Variants in MAN1A1 observed in about 807,000 individuals in gnomAD.
MAN1A1 encodes mannosidase alpha class 1A member 1.
MAN1A1 carries 29 observed loss-of-function variants against 70.8 expected under a neutral mutation model. The observed-to-expected ratio is 0.41, with a 90% CI of 0.31 to 0.56. The LOEUF (loss-of-function observed/expected upper bound fraction) is 0.56, where lower values mean the gene tolerates loss of function less well. Ranked by LOEUF, MAN1A1 falls within the 20% of genes least tolerant of loss-of-function variation. MAN1A1 has a pLI of 0.29. For synonymous variants in MAN1A1, 349 were observed against 330.1 expected (o/e 1.06, Z -0.62); for missense variants, 747 against 841.3 (o/e 0.89, Z 1.39).
chr6:119,247,350 G>A (rs1775193943), intron 6 of MAN1A1, among the ~76,000 whole-genome samples: 1 of 152,116 alleles, frequency 6.6e-6, no homozygotes, highest in Non-Finnish European at 1.5e-5. Context: ...TGTGACTAGA[G>A]CTTCCTATTG....
intron 11 of MAN1A1, among the ~76,000 whole-genome samples, chr6:119,182,472 G>C (rs1773178197): frequency 6.6e-6 from 1 of 150,930 alleles, no homozygotes; most frequent in African/African-American, 2.4e-5. Flanking sequence ...TCTCCTAGGA[G>C]TTTTATGGTT....
At chr6:119,256,014 CA>C (rs1424151879) in intron 5 of MAN1A1, among the ~76,000 whole-genome samples, 2 of 152,012 alleles carry the variant, frequency 1.3e-5, no homozygotes, top group East Asian at 3.9e-4. Context: ...AGCCTTCAGG[CA>C]ATTAGATGAG....
At chr6:119,212,102 A>C (rs1032243481) in intron 6 of MAN1A1, among the ~76,000 whole-genome samples, 25 of 150,840 alleles carry the variant, frequency 1.7e-4, no homozygotes, top group African/African-American at 5.4e-4. Flanking sequence ...AGCCTCCCAA[A>C]GTGCTGGGAT....
rs3798628 is a variant in MAN1A1, at chr6:119,309,909, A to G, written c.604-2917T>C. ...TTCTTCTTAATTGGCATCAGGGCTCATTAATTAGGCCAGGTCATTTATTGA... is the reference window on the plus strand; with the variant it reads ...TTCTTCTTAATTGGCATCAGGGCTCGTTAATTAGGCCAGGTCATTTATTGA... On this transcript the variant is annotated intron_variant, in intron 2 of 12. Transcript: ENST00000368468. Among the ~76,000 whole-genome samples the G allele has an allele frequency of 5.9e-3, 896 of 152,322 alleles. 30 individuals are homozygous for G. In the East Asian group the frequency reaches 0.09, roughly 15 times the overall value.
chr6:119,309,904 G>A (rs893630192), intron 2 of MAN1A1, among the ~76,000 whole-genome samples: 4 of 152,042 alleles, frequency 2.6e-5, no homozygotes, highest in Non-Finnish European at 1.5e-5. Flanking sequence ...TTGGCATCAG[G>A]GCTCATTAAT....
At position 119,317,023 on chromosome 6, in the gene MAN1A1, T is replaced by C. The variant is rs1263782485; in HGVS notation, c.604-10031A>G. On this transcript the variant is annotated intron_variant, in intron 2 of 12. Coordinates refer to ENST00000368468, the MANE Select transcript of MAN1A1 (RefSeq NM_005907.4). ...TCTTCAGTTAGCAAGAGGAGAATTG[T>C]AGGGCACAAGTATTTCCCTTTTATC... 3.9e-5 allele frequency among the ~76,000 whole-genome samples: 6 copies of C among 151,940 alleles called. No individual in the cohort carries two copies. In the East Asian group the frequency reaches 1.2e-3, roughly 29 times the overall value.
At chr6:119,219,047 G>A (rs1774284529) in intron 6 of MAN1A1, among the ~76,000 whole-genome samples, 2 of 152,124 alleles carry the variant, frequency 1.3e-5, no homozygotes, top group African/African-American at 4.8e-5. Context: ...AACTGGTTTG[G>A]TTATATGTCA....
chr6:119,319,387 A>ATCATCATC (rs1562240878), intron 2 of MAN1A1, among the ~76,000 whole-genome samples: 18 of 140,882 alleles, frequency 1.3e-4, no homozygotes, highest in African/African-American at 4.6e-4. Context: ...TAATAATAAT[A>ATCATCATC]ATAATCATCA....
intron 4 of MAN1A1, among the ~76,000 whole-genome samples, chr6:119,292,329 G>A (rs1224359664): frequency 6.6e-6 from 1 of 151,584 alleles, no homozygotes; most frequent in African/African-American, 2.4e-5. Flanking sequence ...AATAATCATG[G>A]GACTCACAGC....
chr6:119,243,215 C>T (rs1775059542), intron 6 of MAN1A1, among the ~76,000 whole-genome samples: 1 of 152,002 alleles, frequency 6.6e-6, no homozygotes, highest in South Asian at 2.1e-4. Context: ...TCATAGAATA[C>T]TAGCACCATT....
intron 2 of MAN1A1, among the ~76,000 whole-genome samples, chr6:119,334,081 ACT>A (rs1349346140): frequency 2.0e-5 from 3 of 152,156 alleles, no homozygotes; most frequent in Non-Finnish European, 2.9e-5. Context: ...TTGGAATATA[ACT>A]CTTTTTTCAA....
At position 119,349,590 on chromosome 6, in the gene MAN1A1, C is replaced by A; in HGVS notation, c.-271G>T. On this transcript the variant is annotated 5_prime_UTR_variant, in exon 1 of 13. Transcript: ENST00000368468. Reference sequence around the variant, plus strand: ...TGGGCGGGAGACTCGTCAACTTCGCCCGCTCCCCATCTCCGCGCTGAGACT... The same window carrying A: ...TGGGCGGGAGACTCGTCAACTTCGCACGCTCCCCATCTCCGCGCTGAGACT... 1.0e-6 allele frequency: 1 copy of A among 986,024 alleles called. No homozygotes were observed. Among genetic ancestry groups the A allele is most frequent in the Non-Finnish European group, 1.2e-6 (1 of 830,108 alleles). 61.1% of individuals were successfully genotyped at this position (986,024 alleles called of 1,614,324 possible). A position where few individuals can be genotyped will look rare whatever the true frequency, so the allele number is the denominator to read the frequency against.
chr6:119,329,623 G>A (rs1773253321), intron 2 of MAN1A1, among the ~76,000 whole-genome samples: 1 of 152,138 alleles, frequency 6.6e-6, no homozygotes, highest in African/African-American at 2.4e-5. Flanking sequence ...ATCCCGCTAA[G>A]GAAAAATCAA....
At chr6:119,341,344 T>C (rs1194240015) in intron 2 of MAN1A1, among the ~76,000 whole-genome samples, 1 of 152,154 alleles carries the variant, frequency 6.6e-6, no homozygotes, top group Admixed American at 6.5e-5. Context: ...GCCTGCCATT[T>C]AGGGCTGAGG....
intron 2 of MAN1A1, among the ~76,000 whole-genome samples, chr6:119,326,275 T>C (rs986415252): frequency 1.3e-5 from 2 of 152,222 alleles, no homozygotes; most frequent in African/African-American, 4.8e-5. Context: ...CAGGCCGAGC[T>C]GTGTCCTGGC....
intron 6 of MAN1A1, among the ~76,000 whole-genome samples, chr6:119,221,217 T>C (rs1377086413): frequency 6.6e-6 from 1 of 152,138 alleles, no homozygotes; most frequent in African/African-American, 2.4e-5. Context: ...TATTAGATAA[T>C]AAAATGTTTC....
intron 6 of MAN1A1, among the ~76,000 whole-genome samples, chr6:119,219,285 A>G (rs142535114): frequency 1.3e-3 from 190 of 151,388 alleles, no homozygotes; most frequent in Middle Eastern, 3.4e-3. Context: ...TTTTATCCAG[A>G]GGAGTTTTGA....
chr6:119,262,554 T>C (rs1222098891), intron 5 of MAN1A1, among the ~76,000 whole-genome samples: 3 of 152,042 alleles, frequency 2.0e-5, no homozygotes, highest in East Asian at 1.9e-4. Context: ...AGTTCAGCCA[T>C]TGTGGAAAGT....
At chr6:119,250,675 T>TGTGTGC (rs1554208620) in intron 5 of MAN1A1, among the ~76,000 whole-genome samples, 4 of 148,882 alleles carry the variant, frequency 2.7e-5, no homozygotes, top group African/African-American at 9.9e-5. Context: ...TGTGTGTGTG[T>TGTGTGC]GCGTGTCAGT....
Sources: gnomAD v4.1 joint callset for allele counts (sites outside exome capture counted in the v4.1 genomes callset) on GRCh38, gnomAD v4.1.1 for gene constraint, MANE v1.5 for transcripts, NCBI Gene and HGNC (gene_info 2026-07-23, HGNC 2026-07-21) for gene names.